The following ANGPTL1 variants were observed in gnomAD, a reference collection of about 807,000 sequenced individuals.
ANGPTL1 encodes angiopoietin like 1.
ANGPTL1 carries 36 observed loss-of-function variants against 46.7 expected under a neutral mutation model. The ratio of observed to expected loss-of-function variants is 0.77; its 90% CI spans 0.59 to 1.02. The LOEUF (loss-of-function observed/expected upper bound fraction) is 1.02. ANGPTL1 is among the 50% of genes least tolerant of loss of function. ANGPTL1 has a pLI of 0.00. For missense variants in ANGPTL1, 571 were observed against 594.7 expected, an observed-to-expected ratio of 0.96 and a Z score of 0.41; for synonymous variants, 221 against 204.3, an observed-to-expected ratio of 1.08 and a Z score of -0.69.
At chr1:178,862,629 A>ATTTG (rs1658113395) in intron 3 of ANGPTL1, among the ~76,000 whole-genome samples, 1 of 140,092 alleles carries the variant, frequency 7.1e-6, no homozygotes, top group Admixed American at 7.1e-5. Flanking sequence ...TTATTTATTT[A>ATTTG]TTTGGTTGGT....
At chr1:178,860,724 T>C (rs749838492) in intron 3 of ANGPTL1, among the ~76,000 whole-genome samples, 7 of 152,220 alleles carry the variant, frequency 4.6e-5, no homozygotes, top group Non-Finnish European at 1.0e-4. Context: ...TAAACACCTC[T>C]TAAAATATAC....
chr1:178,859,874 G>A (rs868658231), intron 3 of ANGPTL1, among the ~76,000 whole-genome samples: 5 of 110,328 alleles, frequency 4.5e-5, no homozygotes, highest in African/African-American at 1.8e-4. Context: ...CCGCCACCAC[G>A]CCTGGCTAAT....
chr1:178,853,432 A>G (rs1657313068), intron 4 of ANGPTL1, among the ~76,000 whole-genome samples, 162 bp downstream of exon 4: 2 of 152,140 alleles, frequency 1.3e-5, no homozygotes, highest in African/African-American at 4.8e-5. Context: ...TGACTTTAAA[A>G]CCAGAGATGA....
In ANGPTL1 at chr1:178,852,901, T is replaced by C. The variant is rs2102295832; in HGVS notation, c.1070A>G (p.Tyr357Cys). The change falls in exon 5 of 6, where the codon TAT (tyrosine) becomes TGT (cysteine). Residue 357 changes from tyrosine (Y) to cysteine (C), a missense_variant. Coordinates refer to ENST00000234816, the MANE Select transcript of ANGPTL1 (RefSeq NM_004673.4). ...GEYWLGLENI[Y>C]MLSNQDNYKL... ...GTAATTATCTTGATTGCTAAGCATA[T>C]AGATATTTTCCAGTCCAAGCCAGTA... 1 of 1,613,716 alleles carries C rather than the reference T, an allele frequency of 6.2e-7. No homozygotes were observed.
chr1:178,868,255 C>T (rs975843666), intron 2 of ANGPTL1, among the ~76,000 whole-genome samples: 2 of 151,732 alleles, frequency 1.3e-5, no homozygotes, highest in African/African-American at 4.8e-5. Flanking sequence ...TATTATATCT[C>T]CAGATTCGTG....
At chr1:178,870,676 A>G (rs1368221297) in intron 1 of ANGPTL1, 65 bp downstream of exon 1, 1 of 152,208 alleles carries the variant, frequency 6.6e-6, no homozygotes, top group Non-Finnish European at 1.5e-5. Context: ...AATTTCTACT[A>G]CAAATATAAA....
rs529376139 is a variant in ANGPTL1 at position 178,854,572 on chromosome 1, G to A, written c.824-785C>T. Among the ~76,000 whole-genome samples, 11 of 152,150 alleles carry A rather than the reference G, an allele frequency of 7.2e-5. No individual in the cohort carries two copies. In the South Asian group the frequency reaches 2.3e-3, roughly 32 times the overall value. On this transcript the variant is annotated intron_variant, in intron 3 of 5. Coordinates refer to ENST00000234816, the MANE Select transcript of ANGPTL1 (RefSeq NM_004673.4). ...AGCATAAATGAGTATCTAAAGAGTT[G>A]TATCAATCTGTATGACTAATAGTAA... is the stretch of plus-strand genomic sequence containing the variant.
chr1:178,850,524 A>G lies in ANGPTL1; in HGVS notation c.*605T>C, dbSNP rs1184250908. The G allele has an allele frequency of 6.6e-6, 1 of 152,064 alleles. No homozygotes were observed. The highest frequency in any genetic ancestry group is 1.5e-5 in the Non-Finnish European group (1 of 67,990). The allele number at this position is 152,064 out of a possible 1,614,324, so 9.4% of individuals were successfully genotyped here. On this transcript the variant is annotated 3_prime_UTR_variant, in exon 6 of 6. Coordinates refer to ENST00000234816, the MANE Select transcript of ANGPTL1 (RefSeq NM_004673.4). ...TTTTGGGTTTTTTTTTATTTTTAAA[A>G]ATGATATGTATTTAATACTATGGGT...
chr1:178,856,003 A>T (rs990264292), intron 3 of ANGPTL1, among the ~76,000 whole-genome samples: 1 of 148,930 alleles, frequency 6.7e-6, no homozygotes, highest in Non-Finnish European at 1.5e-5. Flanking sequence ...CAAAATATAT[A>T]TATTAGAACA....
intron 3 of ANGPTL1, among the ~76,000 whole-genome samples, chr1:178,856,183 A>T (rs993863310): frequency 3.0e-5 from 4 of 133,218 alleles, no homozygotes; most frequent in Non-Finnish European, 4.7e-5. Context: ...TGTTACCTGT[A>T]CTTTTCCAGA....
Position 178,851,285 on chromosome 1 carries a change from C to T in ANGPTL1, c.1320G>A (p.Trp440Ter). The change falls in exon 6 of 6, where the codon TGG becomes TGA. Residue 440 changes from tryptophan (W) to a stop codon, truncating the protein, a stop_gained. Coordinates refer to ENST00000234816, the MANE Select transcript of ANGPTL1 (RefSeq NM_004673.4). LOFTEE classifies it high-confidence loss of function. ...TAGAATGTGCACAGGCATTGTACCA[C>T]CAGCCTCCTTTATGAAAGTGGGCGC... ...GNCAHFHKGG[W>*]WYNACAHSNL... 1 of 1,611,476 alleles carries T rather than the reference C, an allele frequency of 6.2e-7. No homozygotes were observed. Among genetic ancestry groups the T allele is most frequent in the Non-Finnish European group, 8.5e-7 (1 of 1,179,180 alleles).
Position 178,853,615 on chromosome 1 carries a change from G to A in ANGPTL1, c.996C>T (p.Phe332=). ...TTACCTTATAATTTTCCCAATTTCT[G>A]AAGAAGTTGACAGAGCCGTCTGTTC... ...QKRTDGSVNF[F]RNWENYKKGF... The change falls in exon 4 of 6, where the codon TTC becomes TTT. Residue 332 remains phenylalanine, a synonymous_variant. Coordinates refer to ENST00000234816, the MANE Select transcript of ANGPTL1 (RefSeq NM_004673.4). The A allele has an allele frequency of 6.3e-7, 1 of 1,595,688 alleles. No individual in the cohort carries two copies. The highest frequency in any genetic ancestry group is 8.5e-7 in the Non-Finnish European group (1 of 1,173,624).
At position 178,852,963 on chromosome 1, in the gene ANGPTL1, A is replaced by C. The variant is rs1302204376; in HGVS notation, c.1018-10T>G. On this transcript the variant is annotated splice_polypyrimidine_tract_variant and intron_variant, in intron 4 of 5. Transcript: ENST00000234816. ...TGTTTCCAAACCCTTTCTGTTAATA[A>C]GTGAAGAAACATGAGTGCATAAATA... The C allele has an allele frequency of 6.2e-7, 1 of 1,600,602 alleles. No homozygotes were observed. The highest frequency in any genetic ancestry group is 1.7e-5 in the Admixed American group (1 of 57,364).
chr1:178,869,575 G>A (rs1053169780), intron 1 of ANGPTL1, among the ~76,000 whole-genome samples: 4 of 152,086 alleles, frequency 2.6e-5, no homozygotes, highest in African/African-American at 7.2e-5. Context: ...AGAGATGACA[G>A]TATTTCAGAT....
intron 3 of ANGPTL1, among the ~76,000 whole-genome samples, chr1:178,862,154 T>C (rs1658065715): frequency 6.6e-6 from 1 of 152,144 alleles, no homozygotes; most frequent in African/African-American, 2.4e-5. Flanking sequence ...ATTACAGGCA[T>C]GAGCCACCAT....
intron 3 of ANGPTL1, among the ~76,000 whole-genome samples, chr1:178,854,747 G>A (rs1657415350): frequency 6.6e-6 from 1 of 152,140 alleles, no homozygotes; most frequent in African/African-American, 2.4e-5. Flanking sequence ...CTGAACTGCT[G>A]TGTTGCATGC....
At chr1:178,856,420 TTTTTTTG>T (rs1657587758) in intron 3 of ANGPTL1, among the ~76,000 whole-genome samples, 1 of 120,566 alleles carries the variant, frequency 8.3e-6, no homozygotes, top group Non-Finnish European at 1.7e-5. Context: ...TTTTTTTTTT[TTTTTTTG>T]AGAGATGAGG....
At chr1:178,857,119 T>C (rs1657640400) in intron 3 of ANGPTL1, among the ~76,000 whole-genome samples, 1 of 152,178 alleles carries the variant, frequency 6.6e-6, no homozygotes, top group Non-Finnish European at 1.5e-5. Flanking sequence ...TTTAATTTCT[T>C]ATGTGGGAGT....
At chr1:178,853,829 A>G (rs1247604076) in intron 3 of ANGPTL1, 42 bp from the exon 4 acceptor site, 2 of 1,452,526 alleles carry the variant, frequency 1.4e-6, no homozygotes, top group South Asian at 1.5e-5. Context: ...ACTTAATATG[A>G]GAAGAGACAT....
Sources: allele counts gnomAD v4.1 joint callset (sites outside exome capture counted in the v4.1 genomes callset), GRCh38; gene constraint gnomAD v4.1.1; transcripts MANE v1.5; gene names NCBI Gene and HGNC (gene_info 2026-07-23, HGNC 2026-07-21).